The following ONECUT2 variants were observed in gnomAD, a reference collection of about 807,000 sequenced individuals.
The protein encoded by ONECUT2 is one cut domain family member 2.
A neutral mutation model predicts 27.9 loss-of-function variants in ONECUT2; 10 were observed. The ratio of observed to expected loss-of-function variants is 0.36; its 90% CI spans 0.22 to 0.61. The LOEUF (loss-of-function observed/expected upper bound fraction) is 0.61. Ranked by LOEUF, ONECUT2 falls within the 20% of genes least tolerant of loss-of-function variation. The pLI is 0.73. For missense variants in ONECUT2, 686 were observed against 721.0 expected (o/e 0.95, Z 0.56); for synonymous variants, 334 against 315.1 (o/e 1.06, Z -0.64).
At chr18:57,461,587 A>G (rs758150248) in intron 1 of ONECUT2, among the ~76,000 whole-genome samples, 10 of 152,254 alleles carry the variant, frequency 6.6e-5, no homozygotes, top group African/African-American at 2.4e-4. Flanking sequence ...GCCCAATAAG[A>G]GTCACTTCAT....
Position 57,482,386 on chromosome 18 carries a change from A to G in ONECUT2, c.*5663A>G, listed in dbSNP as rs923978398. ...GCTGATGGGCTGTTGTGTGAATCAC[A>G]CAGGACCTTAAATGAGGCTCATTAT... On this transcript the variant is annotated 3_prime_UTR_variant, in exon 2 of 2. Transcript: ENST00000491143. 2 of 152,248 alleles carry G rather than the reference A, an allele frequency of 1.3e-5. No individual in the cohort carries two copies. Among genetic ancestry groups the G allele is most frequent in the African/African-American group, 4.8e-5 (2 of 41,466 alleles). The allele number at this position is 152,248 out of a possible 1,614,324, so 9.4% of individuals were successfully genotyped here.
rs1480444914 is a variant in ONECUT2 at position 57,488,851 on chromosome 18, G to GT, written c.*12129dup. 1 of 151,862 alleles carries GT rather than the reference G, an allele frequency of 6.6e-6. No homozygotes were observed. The highest frequency in any genetic ancestry group is 1.5e-5 in the Non-Finnish European group (1 of 67,986). The allele number at this position is 151,862 out of a possible 1,614,324, so 9.4% of individuals were successfully genotyped here. ...GTTTTGGTACTAGGAAGAAATCTCT[G>GT]TATCTGTCAGCTTTAAAGAGAACTG... On this transcript the variant is annotated 3_prime_UTR_variant, in exon 2 of 2. Coordinates refer to ENST00000491143, the MANE Select transcript of ONECUT2 (RefSeq NM_004852.3).
rs2050385526 is a variant in ONECUT2, at chr18:57,476,806, A to G, written c.*83A>G. The stretch of plus-strand genomic sequence containing the variant: ...AGAAAACAAAGGAAAAAGACACCGG[A>G]TTCCTAGCTGGGGCCCTTCACTGGT... On this transcript the variant is annotated 3_prime_UTR_variant, in exon 2 of 2. Transcript: ENST00000491143. 1.4e-6 allele frequency: 2 copies of G among 1,450,024 alleles called. No individual in the cohort carries two copies. Among genetic ancestry groups the G allele is most frequent in the Non-Finnish European group, 1.9e-6 (2 of 1,077,056 alleles). 89.8% of individuals were successfully genotyped at this position (1,450,024 alleles called of 1,614,324 possible). A position where few individuals can be genotyped will look rare whatever the true frequency, so the allele number is the denominator to read the frequency against.
chr18:57,484,001 T>G lies in ONECUT2; in HGVS notation c.*7278T>G, dbSNP rs1189292632. ...GTGGACAAGCAATGACTATTCAGCC[T>G]GAACCTGTGCATTCAGAAAACATAA... On this transcript the variant is annotated 3_prime_UTR_variant, in exon 2 of 2. Coordinates refer to ENST00000491143, the MANE Select transcript of ONECUT2 (RefSeq NM_004852.3). The G allele has an allele frequency of 6.6e-6, 1 of 152,628 alleles. No homozygotes were observed. The highest frequency in any genetic ancestry group is 1.5e-5 in the Non-Finnish European group (1 of 68,032). The allele number at this position is 152,628 out of a possible 1,614,324, so 9.5% of individuals were successfully genotyped here. A position where few individuals can be genotyped will look rare whatever the true frequency, so the allele number is the denominator to read the frequency against.
intron 1 of ONECUT2, among the ~76,000 whole-genome samples, chr18:57,459,439 C>T (rs2050277921): frequency 1.3e-5 from 2 of 152,100 alleles, no homozygotes. Context: ...ATAAAGCAAA[C>T]ATTAATAGAT....
At position 57,484,874 on chromosome 18, in the gene ONECUT2, G is replaced by A. The variant is rs1173282537; in HGVS notation, c.*8151G>A. The A allele has an allele frequency of 6.6e-6, 1 of 152,190 alleles. No individual in the cohort carries two copies. The highest frequency in any genetic ancestry group is 1.5e-5 in the Non-Finnish European group (1 of 68,040). The allele number at this position is 152,190 out of a possible 1,614,324, so 9.4% of individuals were successfully genotyped here. ...AGAGCGGTCCCACATTGACAAATAG[G>A]ATGGTGGCAATCCTTTAGCAATGAG... On this transcript the variant is annotated 3_prime_UTR_variant, in exon 2 of 2. Transcript: ENST00000491143.
At chr18:57,441,717 G>T (rs554216809) in intron 1 of ONECUT2, among the ~76,000 whole-genome samples, 7 of 152,384 alleles carry the variant, frequency 4.6e-5, no homozygotes, top group Non-Finnish European at 8.8e-5. Flanking sequence ...CCTGCTAACG[G>T]CAGAGCTTAA....
At chr18:57,457,507 C>T (rs1051550532) in intron 1 of ONECUT2, among the ~76,000 whole-genome samples, 3 of 152,198 alleles carry the variant, frequency 2.0e-5, no homozygotes, top group Non-Finnish European at 4.4e-5. Flanking sequence ...ACGTCCCTCC[C>T]CTCTGCTTCC....
Position 57,477,593 on chromosome 18 carries a change from G to A in ONECUT2, c.*870G>A, listed in dbSNP as rs1213274229. On this transcript the variant is annotated 3_prime_UTR_variant, in exon 2 of 2. Coordinates refer to ENST00000491143, the MANE Select transcript of ONECUT2 (RefSeq NM_004852.3). ...GTCATTAGGGAATTGATGAGAATATGGCTTCAAGCACATTTTGCAGTTTGC... is the reference window on the plus strand; with the variant it reads ...GTCATTAGGGAATTGATGAGAATATAGCTTCAAGCACATTTTGCAGTTTGC... The A allele has an allele frequency of 6.6e-6, 1 of 152,598 alleles. No homozygotes were observed. Among genetic ancestry groups the A allele is most frequent in the Admixed American group, 6.5e-5 (1 of 15,282 alleles). 9.5% of individuals were successfully genotyped at this position (152,598 alleles called of 1,614,324 possible).
At chr18:57,443,831 A>G (rs4592738) in intron 1 of ONECUT2, among the ~76,000 whole-genome samples, 15,518 of 152,158 alleles carry the variant, frequency 0.1, 968 homozygotes, top group South Asian at 0.17. Flanking sequence ...AATTGTCCCA[A>G]AGGGCAGGGA....
chr18:57,438,812 G>A (rs572187564), intron 1 of ONECUT2, among the ~76,000 whole-genome samples: 38 of 151,464 alleles, frequency 2.5e-4, no homozygotes, highest in African/African-American at 8.7e-4. Flanking sequence ...TTTGCTGTTG[G>A]TTCGGGGCAA....
At chr18:57,474,823 G>A (rs1290361084) in intron 1 of ONECUT2, among the ~76,000 whole-genome samples, 8 of 152,202 alleles carry the variant, frequency 5.3e-5, no homozygotes, top group Admixed American at 4.6e-4. Flanking sequence ...ATACAAGCCA[G>A]TGCTTTGAGA....
At chr18:57,464,938 A>G (rs2050312491) in intron 1 of ONECUT2, among the ~76,000 whole-genome samples, 1 of 152,130 alleles carries the variant, frequency 6.6e-6, no homozygotes, top group African/African-American at 2.4e-5. Context: ...TTTCATAGAA[A>G]ATTTTCATAG....
chr18:57,435,480 ATCCC>A lies in ONECUT2; in HGVS notation c.-224_-221del, dbSNP rs1225793246. Among the ~76,000 whole-genome samples the A allele has an allele frequency of 7.1e-6, 1 of 141,146 alleles. No individual in the cohort carries two copies. The highest frequency in any genetic ancestry group is 2.7e-5 in the African/African-American group (1 of 37,706). 92.6% of individuals were successfully genotyped at this position (141,146 alleles called of 152,430 possible). On this transcript the variant is annotated 5_prime_UTR_variant, in exon 1 of 2. Transcript: ENST00000491143. ...CCGGCCCGAGCGGCGGGGCCCGGTG[ATCCC>A]TCCCTCCCTCCCCGTCCCCTCCCCT...
chr18:57,450,488 T>A (rs1286067312), intron 1 of ONECUT2, among the ~76,000 whole-genome samples: 1 of 152,276 alleles, frequency 6.6e-6, no homozygotes, highest in Non-Finnish European at 1.5e-5. Flanking sequence ...AAAGGGGTAT[T>A]GTTTTCTATA....
intron 1 of ONECUT2, chr18:57,444,342 A>G (rs1232144150): frequency 6.6e-6 from 3 of 456,492 alleles, no homozygotes; most frequent in African/African-American, 4.0e-5. Flanking sequence ...GACATCCTTG[A>G]AGGAACCTGT....
intron 1 of ONECUT2, among the ~76,000 whole-genome samples, chr18:57,463,322 A>C (rs2050303314): frequency 6.6e-6 from 1 of 152,174 alleles, no homozygotes; most frequent in Non-Finnish European, 1.5e-5. Flanking sequence ...GCAGTATTAC[A>C]CCATCTATTG....
rs749322418 is a variant in ONECUT2 at position 57,436,670 on chromosome 18, C to T, written c.954C>T (p.Ser318=). Reference sequence around the variant, plus strand: ...CCAGTCGCGAGCGGCCACCCTCGTCCTCATCGGGCTCGCAGGTGGCCACGT... The same window carrying T: ...CCAGTCGCGAGCGGCCACCCTCGTCTTCATCGGGCTCGCAGGTGGCCACGT... The part of the protein sequence containing the change: ...LAPSRERPPS[S]SSGSQVATSG... Residue 318 remains serine, a synonymous_variant, in exon 1 of 2, where the codon TCC becomes TCT. Transcript: ENST00000491143. This position sits in a 1 kb window ranked among gnomAD's most constrained non-coding sequence, Gnocchi z 5.9. 1.2e-6 allele frequency: 2 copies of T among 1,613,022 alleles called. No individual in the cohort carries two copies. Among genetic ancestry groups the T allele is most frequent in the South Asian group, 1.1e-5 (1 of 91,070 alleles).
rs2050394926 is a variant in ONECUT2, at chr18:57,478,118, T to TG, written c.*1396dup. On this transcript the variant is annotated 3_prime_UTR_variant, in exon 2 of 2. Transcript: ENST00000491143. ...GCAACTCCGAATGGCATTCAGCTCTTGCATTTGGCGCATCATCGGGCTGAG... is the reference window on the plus strand; with the variant it reads ...GCAACTCCGAATGGCATTCAGCTCTTGGCATTTGGCGCATCATCGGGCTGAG... The TG allele has an allele frequency of 6.6e-6, 1 of 152,646 alleles. No homozygotes were observed. The highest frequency in any genetic ancestry group is 2.4e-5 in the African/African-American group (1 of 41,442). The allele number at this position is 152,646 out of a possible 1,614,324, so 9.5% of individuals were successfully genotyped here.
Sources: gnomAD v4.1 joint callset for allele counts (sites outside exome capture counted in the v4.1 genomes callset) on GRCh38, gnomAD v4.1.1 for gene constraint, Gnocchi (gnomAD v3.1) non-coding constraint, MANE v1.5 for transcripts, NCBI Gene and HGNC (gene_info 2026-07-23, HGNC 2026-07-21) for gene names.